The following CTNNA3 variants were observed in gnomAD, a reference collection of about 807,000 sequenced individuals.
CTNNA3 encodes the protein catenin alpha 3.
CTNNA3 carries 76 observed loss-of-function variants against 95.7 expected under a neutral mutation model. The observed-to-expected ratio is 0.79, with a 90% CI of 0.66 to 0.96. The LOEUF (loss-of-function observed/expected upper bound fraction) is 0.96. Among genes scored for constraint, CTNNA3 ranks in the 40% least tolerant of loss-of-function variants. CTNNA3 has a pLI of 0.00. For synonymous variants in CTNNA3, 431 were observed against 374.4 expected, an observed-to-expected ratio of 1.15 and a Z score of -1.74; for missense variants, 1,191 against 1,089.8, an observed-to-expected ratio of 1.09 and a Z score of -1.31.
chr10:65,929,061 T>A (rs904747636), intron 17 of CTNNA3, among the ~76,000 whole-genome samples: 3 of 138,810 alleles, frequency 2.2e-5, no homozygotes, highest in African/African-American at 8.0e-5. Context: ...GTGTGTGATG[T>A]TCCCCTTCCT....
intron 11 of CTNNA3, among the ~76,000 whole-genome samples, chr10:66,404,408 A>G (rs887310090): frequency 1.3e-5 from 2 of 152,294 alleles, no homozygotes; most frequent in Non-Finnish European, 2.9e-5. Flanking sequence ...TTTGTGCAGC[A>G]GACAGAAAGA....
At chr10:67,549,679 A>T (rs1236909253) in intron 3 of CTNNA3, among the ~76,000 whole-genome samples, 2 of 152,202 alleles carry the variant, frequency 1.3e-5, no homozygotes, top group African/African-American at 4.8e-5. Context: ...TGCAGCCTAC[A>T]AGCTATGAAT....
At chr10:66,764,205 A>G (rs140992468) in intron 9 of CTNNA3, among the ~76,000 whole-genome samples, 29 of 152,290 alleles carry the variant, frequency 1.9e-4, no homozygotes, top group Non-Finnish European at 3.2e-4. Context: ...GTCTCCCAAT[A>G]GTTCATAATT....
At chr10:66,926,124 A>G (rs777374883) in intron 7 of CTNNA3, 5 of 458,932 alleles carry the variant, frequency 1.1e-5, no homozygotes, top group East Asian at 6.9e-5. Flanking sequence ...CTGGGCTCCA[A>G]CGCAGCTCTG....
At chr10:66,487,436 C>T (rs1386542889) in intron 11 of CTNNA3, among the ~76,000 whole-genome samples, 1 of 151,736 alleles carries the variant, frequency 6.6e-6, no homozygotes. Flanking sequence ...CTCCTGACCT[C>T]GTGATCCGCC....
intron 11 of CTNNA3, among the ~76,000 whole-genome samples, chr10:66,389,306 G>A (rs1345949242): frequency 6.6e-6 from 1 of 152,066 alleles, no homozygotes; most frequent in Admixed American, 6.6e-5. Flanking sequence ...TATAGAACAA[G>A]CACATTTAGA....
intron 4 of CTNNA3, among the ~76,000 whole-genome samples, chr10:67,526,137 A>G (rs1840137471): frequency 6.6e-6 from 1 of 152,216 alleles, no homozygotes; most frequent in Non-Finnish European, 1.5e-5. Context: ...TGTTTTAAGC[A>G]TAAGAAATAG....
chr10:66,111,109 G>A (rs2082105188), intron 13 of CTNNA3, among the ~76,000 whole-genome samples: 1 of 152,198 alleles, frequency 6.6e-6, no homozygotes, highest in South Asian at 2.1e-4. Flanking sequence ...AGTGCTGAGG[G>A]AGGGACCTGG....
At chr10:66,228,267 T>C (rs968773537) in intron 13 of CTNNA3, among the ~76,000 whole-genome samples, 9 of 152,118 alleles carry the variant, frequency 5.9e-5, no homozygotes, top group Admixed American at 2.6e-4. Context: ...CATTAGGTTG[T>C]TTATTTGAAA....
intron 8 of CTNNA3, among the ~76,000 whole-genome samples, chr10:66,766,776 A>C (rs1386328262): frequency 1.3e-5 from 2 of 152,226 alleles, no homozygotes; most frequent in South Asian, 2.1e-4. Context: ...TATTTTTATA[A>C]TTACAAATTA....
rs1316061478 is a variant in CTNNA3 at position 66,414,082 on chromosome 10, TTTTG to T, written c.1532-34734_1532-34731del. Among the ~76,000 whole-genome samples, 7 of 152,320 alleles carry T rather than the reference TTTTG, an allele frequency of 4.6e-5. No homozygotes were observed. The Middle Eastern group carries it at 0.014, about 296-fold the overall frequency. On this transcript the variant is annotated intron_variant, in intron 11 of 17. Transcript: ENST00000433211. Reference sequence around the variant, plus strand: ...TTATTCTCCTAAATTTATTCTTCTTTTTTGTTTGTTTATTGGTGAAACAAAAGGA... The same window carrying T: ...TTATTCTCCTAAATTTATTCTTCTTTTTTGTTTATTGGTGAAACAAAAGGA...
intron 6 of CTNNA3, among the ~76,000 whole-genome samples, chr10:67,209,333 G>GCCA (rs1864042338): frequency 6.6e-6 from 1 of 152,130 alleles, no homozygotes; most frequent in Non-Finnish European, 1.5e-5. Context: ...ATAAGCATGA[G>GCCA]CCACCGCACG....
chr10:67,523,336 CACTT>C (rs1226595543), intron 4 of CTNNA3, among the ~76,000 whole-genome samples: 10 of 152,176 alleles, frequency 6.6e-5, no homozygotes, highest in Non-Finnish European at 2.9e-5. Flanking sequence ...TGGACACTGA[CACTT>C]ACTGAGTGCC....
chr10:66,120,201 A>G (rs183384461), intron 13 of CTNNA3, among the ~76,000 whole-genome samples: 8 of 152,276 alleles, frequency 5.3e-5, no homozygotes, highest in African/African-American at 1.9e-4. Flanking sequence ...ATGATAAACC[A>G]TGGATAAGAA....
At chr10:67,240,057 A>G (rs532343126) in intron 5 of CTNNA3, among the ~76,000 whole-genome samples, 4 of 152,298 alleles carry the variant, frequency 2.6e-5, no homozygotes, top group African/African-American at 7.2e-5. Flanking sequence ...AGCTCAGCAT[A>G]TACTCTGCTC....
chr10:66,954,139 C>T lies in CTNNA3; in HGVS notation c.1048-178615G>A, dbSNP rs566958804. The stretch of plus-strand genomic sequence containing the variant: ...GTCAGTAAATCCAGCCTCTTCTAAA[C>T]ATAAAATATTTATTTAAAATAAAGT... On this transcript the variant is annotated intron_variant, in intron 7 of 17. Transcript: ENST00000433211. Among the ~76,000 whole-genome samples, 217 of 152,124 alleles carry T rather than the reference C, an allele frequency of 1.4e-3. 1 individual carries two copies. Among genetic ancestry groups the T allele is most frequent in the African/African-American group, 4.8e-3 (198 of 41,518 alleles).
intron 10 of CTNNA3, among the ~76,000 whole-genome samples, chr10:66,603,868 A>G (rs1267736584): frequency 1.3e-5 from 2 of 152,178 alleles, no homozygotes; most frequent in African/African-American, 2.4e-5. Context: ...AGAATATTGT[A>G]TATTCATATG....
chr10:67,436,983 A>G (rs1359810924), intron 5 of CTNNA3, among the ~76,000 whole-genome samples: 1 of 152,212 alleles, frequency 6.6e-6, no homozygotes, highest in Non-Finnish European at 1.5e-5. Flanking sequence ...GTATCTACCC[A>G]GAGGAAAAGA....
intron 16 of CTNNA3, among the ~76,000 whole-genome samples, chr10:65,967,081 C>T (rs935343057): frequency 9.2e-5 from 14 of 152,098 alleles, no homozygotes; most frequent in African/African-American, 2.2e-4. Flanking sequence ...CTCAGCCTCC[C>T]GGGTAGCTGT....
Sources: allele counts gnomAD v4.1 joint callset (sites outside exome capture counted in the v4.1 genomes callset), GRCh38; gene constraint gnomAD v4.1.1; transcripts MANE v1.5; gene names NCBI Gene and HGNC (gene_info 2026-07-23, HGNC 2026-07-21).